The following UBE3A variants were observed in gnomAD, a reference collection of about 807,000 sequenced individuals.
UBE3A encodes ubiquitin-protein ligase E3A.
Under a neutral mutation model 83.4 loss-of-function variants are expected in UBE3A, and 6 were observed. The ratio of observed to expected loss-of-function variants is 0.07; its 90% confidence interval spans 0.04 to 0.14. The LOEUF (loss-of-function observed/expected upper bound fraction) is 0.14. Ranked by LOEUF, UBE3A falls within the 10% of genes least tolerant of loss-of-function variation. The pLI, the probability that UBE3A is intolerant of heterozygous loss-of-function variation, is 1.00. For missense variants in UBE3A, 456 were observed against 1,036.1 expected (o/e 0.44, Z 7.69); for synonymous variants, 337 against 355.4 (o/e 0.95, Z 0.58).
At position 25,334,748 on chromosome 15, in the gene UBE3A, T is replaced by A. The variant is rs1419533970; in HGVS notation, c.*4389A>T. 1 of 152,218 alleles carries A rather than the reference T, an allele frequency of 6.6e-6. No individual in the cohort carries two copies. Among genetic ancestry groups the A allele is most frequent in the African/African-American group, 2.4e-5 (1 of 41,452 alleles). 9.4% of individuals were successfully genotyped at this position (152,218 alleles called of 1,614,324 possible). ...GACTGAGAATCCAGAAAGTCTTATATTTATGGTCAACTGTTCTTTGACAAG... is the reference window on the plus strand; with the variant it reads ...GACTGAGAATCCAGAAAGTCTTATAATTATGGTCAACTGTTCTTTGACAAG... On this transcript the variant is annotated 3_prime_UTR_variant, in exon 13 of 13. Coordinates refer to ENST00000648336, the MANE Select transcript of UBE3A (RefSeq NM_130839.5).
At chr15:25,359,319 C>T (rs976113846) in intron 7 of UBE3A, among the ~76,000 whole-genome samples, 3 of 152,020 alleles carry the variant, frequency 2.0e-5, no homozygotes, top group Admixed American at 6.6e-5. Flanking sequence ...AAAAGGGCGT[C>T]GTCTTATGTA....
chr15:25,369,323 C>T (rs2079880440), intron 6 of UBE3A, among the ~76,000 whole-genome samples: 1 of 149,316 alleles, frequency 6.7e-6, no homozygotes, highest in South Asian at 2.1e-4. Flanking sequence ...CAGAATCTTT[C>T]TCCAACACTA....
At chr15:25,391,430 G>A (rs2084363949) in intron 4 of UBE3A, among the ~76,000 whole-genome samples, 1 of 152,180 alleles carries the variant, frequency 6.6e-6, no homozygotes, top group Non-Finnish European at 1.5e-5. Context: ...ACAACAATGT[G>A]CACAGTTACC....
chr15:25,336,470 G>A lies in UBE3A; in HGVS notation c.*2667C>T, dbSNP rs1430543642. The A allele has an allele frequency of 6.6e-6, 1 of 152,202 alleles. No individual in the cohort carries two copies. The highest frequency in any genetic ancestry group is 2.4e-5 in the African/African-American group (1 of 41,448). 9.4% of individuals were successfully genotyped at this position (152,202 alleles called of 1,614,324 possible). ...TGATGCTGCCCCATTACAACCATCT[G>A]TTCTAACAGAATGTCTGTACCGAGG... is the stretch of plus-strand genomic sequence containing the variant. On this transcript the variant is annotated 3_prime_UTR_variant, in exon 13 of 13. Coordinates refer to ENST00000648336, the MANE Select transcript of UBE3A (RefSeq NM_130839.5).
At chr15:25,391,873 A>C (rs2084474791) in intron 4 of UBE3A, 1 of 152,290 alleles carries the variant, frequency 6.6e-6, no homozygotes, top group Non-Finnish European at 1.5e-5. Flanking sequence ...GCAGTGATGC[A>C]GAGGTGAACA....
At chr15:25,410,487 C>T (rs1438344327) in intron 2 of UBE3A, among the ~76,000 whole-genome samples, 1 of 152,128 alleles carries the variant, frequency 6.6e-6, no homozygotes, top group Non-Finnish European at 1.5e-5. Context: ...GCATCAACTA[C>T]GGAAAGATGA....
chr15:25,427,458 C>T (rs933307342), intron 1 of UBE3A, among the ~76,000 whole-genome samples: 3 of 151,836 alleles, frequency 2.0e-5, no homozygotes, highest in African/African-American at 7.3e-5. Context: ...AGAAAGTAGA[C>T]AGAACCCTAT....
At chr15:25,403,881 G>A (rs185614372) in intron 4 of UBE3A, among the ~76,000 whole-genome samples, 2 of 152,258 alleles carry the variant, frequency 1.3e-5, no homozygotes, top group African/African-American at 4.8e-5. Flanking sequence ...TGCACTTATA[G>A]GGGGTACTTA....
At chr15:25,374,784 G>C (rs1337503625) in intron 5 of UBE3A, 1 of 152,684 alleles carries the variant, frequency 6.5e-6, no homozygotes, top group Non-Finnish European at 1.5e-5. Flanking sequence ...CTAAGCCCTG[G>C]TAGTCATTCA....
At chr15:25,360,576 G>C (rs2077901859) in intron 6 of UBE3A, 49 bp from the exon 7 acceptor site, 1 of 1,590,556 alleles carries the variant, frequency 6.3e-7, no homozygotes, top group Non-Finnish European at 8.6e-7. Context: ...GCTAGTATCA[G>C]GAAAAAAACA....
At chr15:25,436,109 C>A (rs568170628) in intron 1 of UBE3A, among the ~76,000 whole-genome samples, 2 of 152,140 alleles carry the variant, frequency 1.3e-5, no homozygotes, top group South Asian at 4.2e-4. Flanking sequence ...CTATACATAC[C>A]AAGATGTCTT....
intron 6 of UBE3A, among the ~76,000 whole-genome samples, chr15:25,368,533 CAT>C (rs530843408): frequency 1.1e-3 from 166 of 152,152 alleles, no homozygotes; most frequent in African/African-American, 3.7e-3. Context: ...GCCTAACACA[CAT>C]GATTTCTGAA....
intron 1 of UBE3A, among the ~76,000 whole-genome samples, chr15:25,425,766 A>G (rs1351126110): frequency 6.6e-6 from 1 of 152,194 alleles, no homozygotes; most frequent in Non-Finnish European, 1.5e-5. Context: ...CTACACACCA[A>G]TATTTGAGGG....
chr15:25,371,886 A>C lies in UBE3A; in HGVS notation c.362-74T>G, dbSNP rs1784119477. The C allele has an allele frequency of 7.1e-7, 1 of 1,416,578 alleles. No individual in the cohort carries two copies. The highest frequency in any genetic ancestry group is 1.3e-5 in the South Asian group (1 of 78,002). The allele number at this position is 1,416,578 out of a possible 1,614,324, so 87.8% of individuals were successfully genotyped here. On this transcript the variant is annotated intron_variant, in intron 5 of 12. Coordinates refer to ENST00000648336, the MANE Select transcript of UBE3A (RefSeq NM_130839.5). This position sits in a 1 kb window ranked among gnomAD's most constrained non-coding sequence, Gnocchi z 5.3. ...GTTTACTCTGTTGCAAAAAGTTCTA[A>C]AAGTAAAACAGCCAAACATTCTAGG...
At chr15:25,365,451 G>T (rs1434802000) in intron 6 of UBE3A, among the ~76,000 whole-genome samples, 2 of 151,952 alleles carry the variant, frequency 1.3e-5, no homozygotes, top group African/African-American at 4.8e-5. Context: ...GGATTTCTAA[G>T]AAAGGCTAGC....
intron 11 of UBE3A, among the ~76,000 whole-genome samples, chr15:25,340,649 T>C (rs552143806): frequency 1.3e-5 from 2 of 152,252 alleles, no homozygotes; most frequent in East Asian, 3.9e-4. Flanking sequence ...CTTTCTCCTT[T>C]ATTCTCCTGG....
chr15:25,340,162 C>T lies in UBE3A; in HGVS notation c.2421G>A (p.Thr807=), dbSNP rs1239525577. 9 of 1,613,844 alleles carry T rather than the reference C, an allele frequency of 5.6e-6. No homozygotes were observed. Among genetic ancestry groups the T allele is most frequent in the South Asian group, 2.2e-5 (2 of 91,076 alleles). ...EQKRLFLQFT[T]GTDRAPVGGL... ...CTCCCACAGGTGCTCTGTCTGTGCC[C>T]GTTGTAAACTGCAAGAAGAGTCTTT... The change falls in exon 12 of 13, where the codon ACG becomes ACA. Residue 807 remains threonine (T), a synonymous_variant. Transcript: ENST00000648336.
At position 25,356,716 on chromosome 15, in the gene UBE3A, A is replaced by C; in HGVS notation, c.1934T>G (p.Phe645Cys). The C allele has an allele frequency of 6.2e-7, 1 of 1,613,452 alleles. No individual in the cohort carries two copies. Among genetic ancestry groups the C allele is most frequent in the East Asian group, 2.2e-5 (1 of 44,776 alleles). ...TGGGTGAGAGTCTCCCAAGTCACGA[A>C]AAGTTCCTTTTTTCCCCATTAGCTT... ...YRKLMGKKGT[F>C]RDLGDSHPVL... The change falls in exon 8 of 13, where the codon TTT (phenylalanine) becomes TGT (cysteine). Residue 645 changes from phenylalanine to cysteine, a missense_variant. Transcript: ENST00000648336.
intron 1 of UBE3A, chr15:25,418,087 T>A (rs1474784277): frequency 6.6e-6 from 1 of 152,152 alleles, no homozygotes; most frequent in Non-Finnish European, 1.5e-5. Flanking sequence ...GTTACTATAC[T>A]GAATGAATAC....
Sources: gnomAD v4.1 joint callset for allele counts (sites outside exome capture counted in the v4.1 genomes callset) on GRCh38, gnomAD v4.1.1 for gene constraint, Gnocchi (gnomAD v3.1) non-coding constraint, MANE v1.5 for transcripts, NCBI Gene and HGNC (gene_info 2026-07-23, HGNC 2026-07-21) for gene names.